ADARB2: variants seen among roughly 807,000 people sequenced by gnomAD.
The protein encoded by ADARB2 is inactive double-stranded RNA-specific editase B2.
ADARB2 carries 25 observed loss-of-function variants against 62.2 expected under a neutral mutation model. The observed-to-expected ratio is 0.40, with a 90% CI of 0.29 to 0.56. The LOEUF (loss-of-function observed/expected upper bound fraction) is 0.56, where lower values mean the gene tolerates loss of function less well. Among genes scored for constraint, ADARB2 ranks in the 20% least tolerant of loss-of-function variants. The probability of loss-of-function intolerance (pLI) is 0.43; values close to 1 mark genes in which losing one functional copy is unlikely to be tolerated. For synonymous variants in ADARB2, 572 were observed against 500.8 expected (o/e 1.14, Z -1.90); for missense variants, 1,071 against 1,077.4 (o/e 0.99, Z 0.08).
chr10:1,193,849 T>A (rs1323403877), intron 8 of ADARB2, among the ~76,000 whole-genome samples: 2 of 152,270 alleles, frequency 1.3e-5, no homozygotes, highest in Non-Finnish European at 2.9e-5. Context: ...TTTCATTTCC[T>A]GACTGCTTTT....
Position 1,328,996 on chromosome 10 carries a change from T to TTAA in ADARB2, c.1077+34031_1077+34032insTTA, listed in dbSNP as rs770240850. ...GGGGTGACAGAACAAGACCCTGTCT[T>TTAA]AAAAAAAAAAAAAAAAAAAAAAAAA... On this transcript the variant is annotated intron_variant, in intron 3 of 9. Transcript: ENST00000381312. 2.8e-4 allele frequency among the ~76,000 whole-genome samples: 21 copies of TTAA among 75,678 alleles called. 1 individual carries two copies. Among genetic ancestry groups the TTAA allele is most frequent in the African/African-American group, 1.1e-3 (18 of 17,110 alleles). The allele number at this position is 75,678 out of a possible 152,430, so 49.6% of individuals were successfully genotyped here. A position where few individuals can be genotyped will look rare whatever the true frequency, so the allele number is the denominator to read the frequency against.
chr10:1,621,368 C>A (rs185802498), intron 1 of ADARB2, among the ~76,000 whole-genome samples: 9 of 151,970 alleles, frequency 5.9e-5, no homozygotes, highest in South Asian at 2.1e-4. Flanking sequence ...TTTACAAGAG[C>A]CTCAAAAATA....
chr10:1,710,466 T>C (rs920634227), intron 1 of ADARB2, among the ~76,000 whole-genome samples: 1 of 152,202 alleles, frequency 6.6e-6, no homozygotes, highest in Non-Finnish European at 1.5e-5. Flanking sequence ...CTGGGACACA[T>C]GCACCCAGAA....
chr10:1,680,944 A>G (rs1382305092), intron 1 of ADARB2, among the ~76,000 whole-genome samples: 1 of 152,218 alleles, frequency 6.6e-6, no homozygotes, highest in Non-Finnish European at 1.5e-5. Context: ...CTGGCCAGAA[A>G]TGGGCAACTC....
At chr10:1,466,878 G>A (rs1219494314) in intron 1 of ADARB2, among the ~76,000 whole-genome samples, 1 of 152,174 alleles carries the variant, frequency 6.6e-6, no homozygotes, top group Non-Finnish European at 1.5e-5. Flanking sequence ...GGAACCCAGG[G>A]AAGGTAAACT....
At position 1,507,177 on chromosome 10, in the gene ADARB2, G is replaced by A. The variant is rs952313035; in HGVS notation, c.101-128017C>T. On this transcript the variant is annotated intron_variant, in intron 1 of 9. Coordinates refer to ENST00000381312, the MANE Select transcript of ADARB2 (RefSeq NM_018702.4). Reference sequence around the variant, plus strand: ...TGTCGAGTGACTTCCCTATAGGAGGGCAGAGCTGTGATCAATAAATACGGA... The same window carrying A: ...TGTCGAGTGACTTCCCTATAGGAGGACAGAGCTGTGATCAATAAATACGGA... 3.3e-5 allele frequency among the ~76,000 whole-genome samples: 5 copies of A among 152,358 alleles called. No homozygotes were observed. The East Asian group carries it at 9.6e-4, about 29-fold the overall frequency.
rs776816770 is a variant in ADARB2, at chr10:1,177,939, C to T, written c.*5254G>A. 6.6e-6 allele frequency: 1 copy of T among 152,206 alleles called. No homozygotes were observed. Among genetic ancestry groups the T allele is most frequent in the Non-Finnish European group, 1.5e-5 (1 of 68,040 alleles). The allele number at this position is 152,206 out of a possible 1,614,324, so 9.4% of individuals were successfully genotyped here. ...TGAGACCCCATCTCTACCAAAAATA[C>T]AAAAATTAGCCAATCTCATAAGCCG... On this transcript the variant is annotated 3_prime_UTR_variant, in exon 10 of 10. Coordinates refer to ENST00000381312, the MANE Select transcript of ADARB2 (RefSeq NM_018702.4).
intron 3 of ADARB2, among the ~76,000 whole-genome samples, chr10:1,345,330 C>T (rs764597660): frequency 6.6e-6 from 1 of 152,162 alleles, no homozygotes; most frequent in Non-Finnish European, 1.5e-5. Context: ...CTGGCTGCTC[C>T]GCAGGTGAGG....
chr10:1,720,065 C>T (rs531809235), intron 1 of ADARB2, among the ~76,000 whole-genome samples: 2 of 152,298 alleles, frequency 1.3e-5, no homozygotes, highest in Admixed American at 6.5e-5. Flanking sequence ...GCTTAAAAGA[C>T]ACATGCACTT....
chr10:1,532,964 T>C (rs879342553), intron 1 of ADARB2, among the ~76,000 whole-genome samples: 1 of 152,054 alleles, frequency 6.6e-6, no homozygotes, highest in Non-Finnish European at 1.5e-5. Context: ...TGCCCTGAAA[T>C]GAAGGGGAGG....
At chr10:1,578,994 G>A (rs1011988320) in intron 1 of ADARB2, among the ~76,000 whole-genome samples, 13 of 152,142 alleles carry the variant, frequency 8.5e-5, no homozygotes, top group Non-Finnish European at 2.9e-5. Context: ...CAGCAAGCCT[G>A]GCCCATCAGG....
In ADARB2 at chr10:1,502,569, G is replaced by T. The variant is rs2813430; in HGVS notation, c.101-123409C>A. ...TAAATTTACTTGTGTTTGAAGAGGA[G>T]TTAAGCTGCAATAAAGGAACTGTCA... On this transcript the variant is annotated intron_variant, in intron 1 of 9. Transcript: ENST00000381312. Among the ~76,000 whole-genome samples, 1,102 of 152,370 alleles carry T rather than the reference G, an allele frequency of 7.2e-3. 16 individuals are homozygous for T. Among genetic ancestry groups the T allele is most frequent in the African/African-American group, 0.025 (1,055 of 41,598 alleles).
intron 3 of ADARB2, among the ~76,000 whole-genome samples, chr10:1,346,767 C>T (rs943261300): frequency 3.5e-4 from 54 of 152,254 alleles, no homozygotes; most frequent in African/African-American, 1.2e-3. Context: ...GGCGAGGGCA[C>T]GTGGGTCCTT....
At chr10:1,507,694 G>T (rs1436061994) in intron 1 of ADARB2, among the ~76,000 whole-genome samples, 1 of 152,222 alleles carries the variant, frequency 6.6e-6, no homozygotes, top group East Asian at 1.9e-4. Context: ...CGATGGAGGG[G>T]CAGGGTGCTG....
intron 3 of ADARB2, among the ~76,000 whole-genome samples, chr10:1,353,141 G>T (rs1316738162): frequency 6.6e-6 from 1 of 152,168 alleles, no homozygotes; most frequent in Non-Finnish European, 1.5e-5. Flanking sequence ...CACGGGGATT[G>T]GCCCCCGCCT....
intron 1 of ADARB2, chr10:1,534,674 G>C (rs774649728): frequency 6.3e-6 from 1 of 158,156 alleles, no homozygotes; most frequent in East Asian, 1.9e-4. Context: ...ACCAATGCCC[G>C]TCTCTATGGC....
At chr10:1,415,919 G>C (rs1832797677) in intron 1 of ADARB2, among the ~76,000 whole-genome samples, 1 of 152,110 alleles carries the variant, frequency 6.6e-6, no homozygotes, top group African/African-American at 2.4e-5. Context: ...TCATATTATA[G>C]AGCCTGGATA....
chr10:1,503,962 A>G (rs1477562883), intron 1 of ADARB2, among the ~76,000 whole-genome samples: 1 of 152,140 alleles, frequency 6.6e-6, no homozygotes, highest in Non-Finnish European at 1.5e-5. Flanking sequence ...TCTTTTCTTT[A>G]TACATGGCCC....
rs1017698247 is a variant in ADARB2, at chr10:1,463,849, A to G, written c.101-84689T>C. Among the ~76,000 whole-genome samples the G allele has an allele frequency of 4.8e-5, 6 of 125,482 alleles. No individual in the cohort carries two copies. In the South Asian group the frequency reaches 1.3e-3, roughly 28 times the overall value. The allele number at this position is 125,482 out of a possible 152,430, so 82.3% of individuals were successfully genotyped here. A position where few individuals can be genotyped will look rare whatever the true frequency, so the allele number is the denominator to read the frequency against. On this transcript the variant is annotated intron_variant, in intron 1 of 9. Transcript: ENST00000381312. ...AAAATTCAAAATTAAGAGGATAAAT[A>G]ACCCAACAAAAAATGGTAAAGGGAT...
Sources: allele counts gnomAD v4.1 joint callset (sites outside exome capture counted in the v4.1 genomes callset), GRCh38; gene constraint gnomAD v4.1.1; transcripts MANE v1.5; gene names NCBI Gene and HGNC (gene_info 2026-07-23, HGNC 2026-07-21).